OSCP1: variants seen among roughly 807,000 people sequenced by gnomAD.
OSCP1 encodes organic solute carrier partner 1, also known as protein OSCP1.
In OSCP1, 35 loss-of-function variants were observed where a neutral mutation model predicts 45.1. The observed-to-expected ratio is 0.78, with a 90% CI of 0.59 to 1.03. The LOEUF is 1.03. Ranked by LOEUF, OSCP1 falls within the 50% of genes least tolerant of loss-of-function variation. The pLI is 0.00. For missense variants in OSCP1, 400 were observed against 470.7 expected (o/e 0.85, Z 1.39); for synonymous variants, 179 against 180.1 (o/e 0.99, Z 0.05).
At chr1:36,435,836 G>A (rs1489665678) in intron 2 of OSCP1, among the ~76,000 whole-genome samples, 2 of 152,004 alleles carry the variant, frequency 1.3e-5, no homozygotes, top group African/African-American at 4.8e-5. Context: ...GTTTCACCAT[G>A]TTGGCCAGGA....
intron 2 of OSCP1, among the ~76,000 whole-genome samples, chr1:36,438,173 C>T (rs893537145): frequency 1.3e-5 from 2 of 152,070 alleles, no homozygotes; most frequent in African/African-American, 2.4e-5. Context: ...CAAAATTAGC[C>T]TGGCATGGTG....
chr1:36,431,626 T>A (rs1648366469), intron 4 of OSCP1, among the ~76,000 whole-genome samples, 176 bp downstream of exon 4: 1 of 150,240 alleles, frequency 6.7e-6, no homozygotes, highest in African/African-American at 2.5e-5. Flanking sequence ...CTGTCTTCCT[T>A]GGTCCATTTA....
chr1:36,442,553 T>C lies in OSCP1; in HGVS notation c.113-3643A>G, dbSNP rs888573822. Among the ~76,000 whole-genome samples the C allele has an allele frequency of 5.3e-5, 8 of 152,240 alleles. No homozygotes were observed. In the East Asian group the frequency reaches 1.5e-3, roughly 29 times the overall value. Reference sequence around the variant, plus strand: ...GTACCAAGTACTTCAATTGGGCTTTTTTTCGAGACTGGTCTGATGAAATAA... The same window carrying C: ...GTACCAAGTACTTCAATTGGGCTTTCTTTCGAGACTGGTCTGATGAAATAA... On this transcript the variant is annotated intron_variant, in intron 1 of 9. Coordinates refer to ENST00000235532, the MANE Select transcript of OSCP1 (RefSeq NM_145047.5).
chr1:36,445,576 G>A (rs1021683556), intron 1 of OSCP1, among the ~76,000 whole-genome samples: 1 of 152,196 alleles, frequency 6.6e-6, no homozygotes, highest in Non-Finnish European at 1.5e-5. Flanking sequence ...ACTCCTCTGG[G>A]AAAATTCACC....
At chr1:36,443,021 T>C (rs1649296168) in intron 1 of OSCP1, among the ~76,000 whole-genome samples, 1 of 152,150 alleles carries the variant, frequency 6.6e-6, no homozygotes, top group Non-Finnish European at 1.5e-5. Context: ...TGGAGTGCAG[T>C]GGCAAGATCT....
chr1:36,418,394 G>T (rs1557543665), intron 9 of OSCP1, 139 bp from the exon 10 acceptor site: 3 of 690,236 alleles, frequency 4.3e-6, no homozygotes, highest in Non-Finnish European at 5.0e-6. Flanking sequence ...AGGGATTGTA[G>T]TTACAGGCTG....
chr1:36,422,974 C>A (rs747925688), intron 5 of OSCP1, 78 bp from the exon 6 acceptor site: 1 of 1,288,052 alleles, frequency 7.8e-7, no homozygotes. Context: ...CTTTGTACTA[C>A]AGAACAAAAA....
chr1:36,444,073 G>A (rs2124022630), intron 1 of OSCP1: 1 of 1,590,550 alleles, frequency 6.3e-7, no homozygotes, highest in East Asian at 2.2e-5. Flanking sequence ...AGTTCATGAA[G>A]CAAGAACATT....
At chr1:36,422,308 C>T in intron 6 of OSCP1, 89 bp from the exon 7 acceptor site, 1 of 1,228,998 alleles carries the variant, frequency 8.1e-7, no homozygotes, top group South Asian at 1.2e-5. Context: ...AGCTTTTATT[C>T]TGAGACATTA....
chr1:36,432,721 T>C, intron 2 of OSCP1, 132 bp from the exon 3 acceptor site: 4 of 997,964 alleles, frequency 4.0e-6, no homozygotes, highest in Non-Finnish European at 6.1e-6. Context: ...GGGGACCATA[T>C]CACTTATCAC....
At chr1:36,439,836 G>A (rs1570539666) in intron 1 of OSCP1, among the ~76,000 whole-genome samples, 1 of 152,202 alleles carries the variant, frequency 6.6e-6, no homozygotes, top group African/African-American at 2.4e-5. Flanking sequence ...ACAAACTAAA[G>A]TGTCTATAGT....
chr1:36,435,608 T>TGAA (rs1648673407), intron 2 of OSCP1, among the ~76,000 whole-genome samples: 1 of 152,106 alleles, frequency 6.6e-6, no homozygotes, highest in African/African-American at 2.4e-5. Context: ...GATGAGAAAA[T>TGAA]GAAGGCTCAG....
chr1:36,420,475 C>A lies in OSCP1; in HGVS notation c.959+1G>T. On this transcript the variant is annotated splice_donor_variant, in intron 8 of 9. Transcript: ENST00000235532. LOFTEE classifies it high-confidence loss of function. The stretch of plus-strand genomic sequence containing the variant: ...TTTAACGAAACAGGTTTAAAACATA[C>A]TCCTCTTCTTCATCGGTGGTAAAGA... 1 of 1,613,386 alleles carries A rather than the reference C, an allele frequency of 6.2e-7. No individual in the cohort carries two copies. The highest frequency in any genetic ancestry group is 8.5e-7 in the Non-Finnish European group (1 of 1,179,844).
At chr1:36,448,191 A>G (rs979581479) in intron 1 of OSCP1, among the ~76,000 whole-genome samples, 7 of 152,220 alleles carry the variant, frequency 4.6e-5, no homozygotes, top group Non-Finnish European at 8.8e-5. Context: ...GTTAAATGGT[A>G]AAGCTGGAAT....
intron 2 of OSCP1, among the ~76,000 whole-genome samples, chr1:36,435,238 T>C (rs2124797356): frequency 6.6e-6 from 1 of 151,776 alleles, no homozygotes; most frequent in East Asian, 1.9e-4. Flanking sequence ...GGGACTACAG[T>C]TGTGTGCCAC....
chr1:36,419,873 G>A lies in OSCP1; in HGVS notation c.959+603C>T, dbSNP rs183647847. ...CTCTCTCCTAGGCTGGAATGCAGTG[G>A]CATGATCACAGCTTGCTTAACCTTA... On this transcript the variant is annotated intron_variant, in intron 8 of 9. Transcript: ENST00000235532. Among the ~76,000 whole-genome samples the A allele has an allele frequency of 2.5e-4, 38 of 152,210 alleles. No individual in the cohort carries two copies. The East Asian group carries it at 6.7e-3, about 27-fold the overall frequency.
intron 1 of OSCP1, chr1:36,440,766 G>A (rs897675232): frequency 1.4e-4 from 21 of 152,176 alleles, no homozygotes; most frequent in Admixed American, 1.3e-3. Flanking sequence ...CAATTGAAAA[G>A]CCACACATAA....
chr1:36,431,721 C>G (rs973552932), intron 4 of OSCP1, 81 bp downstream of exon 4: 60 of 1,372,332 alleles, frequency 4.4e-5, no homozygotes, highest in Non-Finnish European at 6.0e-5. Flanking sequence ...AATCTCCGTC[C>G]TTGTTTGCCC....
intron 2 of OSCP1, among the ~76,000 whole-genome samples, chr1:36,437,286 T>C (rs1412268298): frequency 6.6e-6 from 1 of 151,198 alleles, no homozygotes. Flanking sequence ...TTATTATTAT[T>C]ATCATTATTA....
Sources: gnomAD v4.1 joint callset for allele counts (sites outside exome capture counted in the v4.1 genomes callset) on GRCh38, gnomAD v4.1.1 for gene constraint, MANE v1.5 for transcripts, NCBI Gene and HGNC (gene_info 2026-07-23, HGNC 2026-07-21) for gene names.